DNM3: variants seen among roughly 807,000 people sequenced by gnomAD.
DNM3 encodes dynamin-3.
In DNM3, 47 loss-of-function variants were observed where a neutral mutation model predicts 101.6. The ratio of observed to expected loss-of-function variants is 0.46; its 90% confidence interval spans 0.37 to 0.59. The LOEUF (loss-of-function observed/expected upper bound fraction) is 0.59. DNM3 is among the 20% of genes least tolerant of loss of function. DNM3 has a pLI of 0.00. For missense variants in DNM3, 849 were observed against 1,085.7 expected (o/e 0.78, Z 3.06); for synonymous variants, 385 against 387.9 (o/e 0.99, Z 0.09).
At chr1:172,245,819 G>A (rs1051751387) in intron 14 of DNM3, among the ~76,000 whole-genome samples, 1 of 152,158 alleles carries the variant, frequency 6.6e-6, no homozygotes, top group Non-Finnish European at 1.5e-5. Context: ...CAAGGATCTG[G>A]AAATTTAGGC....
intron 14 of DNM3, among the ~76,000 whole-genome samples, chr1:172,216,799 A>C (rs1229841621): frequency 6.6e-6 from 1 of 152,030 alleles, no homozygotes; most frequent in East Asian, 1.9e-4. Flanking sequence ...CACAAAGCAC[A>C]AAGCAATTGT....
intron 13 of DNM3, among the ~76,000 whole-genome samples, chr1:172,097,943 G>A (rs567461571): frequency 3.3e-5 from 5 of 152,246 alleles, no homozygotes; most frequent in South Asian, 2.1e-4. Context: ...GGGAGTGTAC[G>A]AATAGGGTTT....
chr1:172,357,637 G>T (rs78371375), intron 17 of DNM3, among the ~76,000 whole-genome samples: 153 of 152,236 alleles, frequency 1.0e-3, no homozygotes, highest in African/African-American at 3.6e-3. Context: ...TTGAGGATTA[G>T]ATCCTGGGTC....
intron 13 of DNM3, among the ~76,000 whole-genome samples, chr1:172,103,890 A>G (rs1302013007): frequency 5.3e-5 from 8 of 152,162 alleles, no homozygotes; most frequent in Admixed American, 5.2e-4. Context: ...AATTTCAGCT[A>G]CTCAGGAGGC....
intron 17 of DNM3, among the ~76,000 whole-genome samples, chr1:172,330,783 A>C (rs887098083): frequency 6.6e-6 from 1 of 152,206 alleles, no homozygotes; most frequent in Non-Finnish European, 1.5e-5. Context: ...TAGGAGGAGA[A>C]ATATGTACCA....
chr1:171,906,792 T>G (rs1037739918), intron 1 of DNM3, among the ~76,000 whole-genome samples: 14 of 152,354 alleles, frequency 9.2e-5, no homozygotes, highest in African/African-American at 3.4e-4. Flanking sequence ...ATTGCAGTCC[T>G]GCTATGTGCT....
intron 14 of DNM3, among the ~76,000 whole-genome samples, chr1:172,212,196 A>C (rs534795717): frequency 3.3e-5 from 5 of 152,256 alleles, no homozygotes; most frequent in Admixed American, 6.5e-5. Flanking sequence ...CAAAGAAAGA[A>C]CAGAAAGGAT....
intron 10 of DNM3, among the ~76,000 whole-genome samples, chr1:172,068,053 C>T (rs953680440): frequency 7.2e-5 from 11 of 152,312 alleles, no homozygotes; most frequent in Non-Finnish European, 1.0e-4. Flanking sequence ...GTTGGCCGGG[C>T]GTGGTGGCTC....
chr1:172,325,616 T>G (rs890006632), intron 17 of DNM3, among the ~76,000 whole-genome samples: 2 of 152,122 alleles, frequency 1.3e-5, no homozygotes, highest in Admixed American at 1.3e-4. Context: ...TGGAAAATAC[T>G]GGAATACAAG....
At chr1:172,120,917 C>T (rs536435730) in intron 13 of DNM3, among the ~76,000 whole-genome samples, 1 of 152,156 alleles carries the variant, frequency 6.6e-6, no homozygotes, top group Non-Finnish European at 1.5e-5. Flanking sequence ...TCTGACACCT[C>T]TAAGGTGCTC....
intron 2 of DNM3, among the ~76,000 whole-genome samples, chr1:171,926,732 C>T (rs1214216992): frequency 6.6e-6 from 1 of 152,038 alleles, no homozygotes; most frequent in Non-Finnish European, 1.5e-5. Flanking sequence ...TCAGAATGAG[C>T]TTGTTTTATC....
intron 4 of DNM3, among the ~76,000 whole-genome samples, chr1:172,011,013 A>T (rs530256996): frequency 1.5e-3 from 224 of 151,862 alleles, no homozygotes; most frequent in Middle Eastern, 3.4e-3. Context: ...GGAGTGCTGA[A>T]TTCTACAATA....
intron 2 of DNM3, among the ~76,000 whole-genome samples, chr1:171,944,735 T>C (rs537037205): frequency 6.6e-6 from 1 of 152,076 alleles, no homozygotes; most frequent in East Asian, 1.9e-4. Flanking sequence ...TAGTACTCTA[T>C]AGTGCCTAAG....
At chr1:172,259,219 C>A (rs1360560507) in intron 15 of DNM3, among the ~76,000 whole-genome samples, 1 of 151,952 alleles carries the variant, frequency 6.6e-6, no homozygotes, top group African/African-American at 2.4e-5. Flanking sequence ...AATGTTTATT[C>A]TTTAGCTGTT....
intron 16 of DNM3, among the ~76,000 whole-genome samples, chr1:172,318,355 C>G (rs951615240): frequency 8.5e-5 from 13 of 152,124 alleles, no homozygotes; most frequent in Admixed American, 5.2e-4. Flanking sequence ...CTCACCACTC[C>G]TATTCAACAT....
At chr1:171,847,361 G>A (rs919506500) in intron 1 of DNM3, among the ~76,000 whole-genome samples, 1 of 152,132 alleles carries the variant, frequency 6.6e-6, no homozygotes, top group African/African-American at 2.4e-5. Context: ...AGTGTCATCT[G>A]GCAGCCCATA....
chr1:171,932,530 T>TA (rs561967554), intron 2 of DNM3, among the ~76,000 whole-genome samples: 2,329 of 152,294 alleles, frequency 0.015, 26 homozygotes, highest in Non-Finnish European at 0.023. Flanking sequence ...AGGCATCCTA[T>TA]TAAAATTTTT....
At chr1:172,201,647 G>A (rs2060156685) in intron 14 of DNM3, among the ~76,000 whole-genome samples, 1 of 152,190 alleles carries the variant, frequency 6.6e-6, no homozygotes, top group Non-Finnish European at 1.5e-5. Flanking sequence ...GTGTGAATAA[G>A]GCACTTAGGG....
At chr1:171,841,963 G>GC in intron 1 of DNM3, 146 bp downstream of exon 1, 1 of 1,121,724 alleles carries the variant, frequency 8.9e-7, no homozygotes, top group Non-Finnish European at 1.2e-6. Context: ...GGGGGGCAGA[G>GC]TGGCGGTGTC....
Sources: gnomAD v4.1 joint callset for allele counts (sites outside exome capture counted in the v4.1 genomes callset) on GRCh38, gnomAD v4.1.1 for gene constraint, MANE v1.5 for transcripts, NCBI Gene and HGNC (gene_info 2026-07-23, HGNC 2026-07-21) for gene names.